KCP: variants seen among roughly 807,000 people sequenced by gnomAD.
The protein encoded by KCP is kielin cysteine rich BMP regulator.
KCP carries 194 observed loss-of-function variants against 212.7 expected under a neutral mutation model. The ratio of observed to expected loss-of-function variants is 0.91; its 90% CI spans 0.81 to 1.03. KCP has a LOEUF of 1.03. KCP is among the 50% of genes least tolerant of loss of function. KCP has a pLI of 0.00. For synonymous variants in KCP, 833 were observed against 865.3 expected, an observed-to-expected ratio of 0.96 and a Z score of 0.65; for missense variants, 2,080 against 2,162.5, an observed-to-expected ratio of 0.96 and a Z score of 0.76.
chr7:128,902,910 C>G, intron 7 of KCP, 51 bp from the exon 8 acceptor site: 1 of 1,403,188 alleles, frequency 7.1e-7, no homozygotes, highest in South Asian at 1.2e-5. Context: ...CTGGCCTGGA[C>G]CCCAGCCTCA....
Position 128,887,260 on chromosome 7 carries a change from G to A in KCP, c.2553C>T (p.Thr851=), listed in dbSNP as rs1244639342. 6.4e-7 allele frequency: 1 copy of A among 1,551,388 alleles called. No homozygotes were observed. Among genetic ancestry groups the A allele is most frequent in the African/African-American group, 1.4e-5 (1 of 73,078 alleles). Residue 851 remains threonine, a synonymous_variant, in exon 23 of 40, where the codon ACC becomes ACT. Transcript: ENST00000610776. ...YHGVTTASGE[T]LPDPLDPTCS... ...AGGTAGGGTCAAGTGGGTCAGGAAG[G>A]GTCTCTCCGGAGGCAGTAGTGACGC...
In KCP at chr7:128,890,969, C is replaced by G; in HGVS notation, c.2100G>C (p.Arg700=). ...LCLDGSVSCQ[R]LPCPPAPCAH... ...CGCAGGGCGCGGGCGGGCAGGGCAG[C>G]CGCTGGCAGGACACGGAGCCGTCGA... Residue 700 remains arginine, a synonymous_variant, in exon 20 of 40, where the codon CGG becomes CGC. Transcript: ENST00000610776. The G allele has an allele frequency of 7.8e-7, 1 of 1,278,100 alleles. No individual in the cohort carries two copies. Among genetic ancestry groups the G allele is most frequent in the East Asian group, 3.2e-5 (1 of 31,348 alleles). 79.2% of individuals were successfully genotyped at this position (1,278,100 alleles called of 1,614,324 possible).
intron 8 of KCP, among the ~76,000 whole-genome samples, chr7:128,900,770 G>A (rs906817564): frequency 6.6e-6 from 1 of 152,228 alleles, no homozygotes; most frequent in Non-Finnish European, 1.5e-5. Context: ...GACCCTAATA[G>A]TTAGGCAGGA....
intron 11 of KCP, 69 bp from the exon 12 acceptor site, chr7:128,893,545 G>C: frequency 8.1e-7 from 1 of 1,236,074 alleles, no homozygotes; most frequent in Non-Finnish European, 1.2e-6. Context: ...GTCACCCTGA[G>C]GTGTCCAACC....
chr7:128,883,117 A>AC (rs1793429949), intron 29 of KCP, among the ~76,000 whole-genome samples: 1 of 151,662 alleles, frequency 6.6e-6, no homozygotes, highest in Non-Finnish European at 1.5e-5. Context: ...TAGGATTATC[A>AC]TTAAAAAAAA....
chr7:128,885,298 C>A, intron 26 of KCP, 28 bp from the exon 27 acceptor site: 2 of 1,520,778 alleles, frequency 1.3e-6, no homozygotes, highest in South Asian at 1.3e-5. Context: ...CAGGGACGAG[C>A]TCGGAGGTTG....
chr7:128,883,785 T>A (rs1293400778), intron 29 of KCP, among the ~76,000 whole-genome samples: 1 of 152,204 alleles, frequency 6.6e-6, no homozygotes, highest in Non-Finnish European at 1.5e-5. Flanking sequence ...CTGGCCAAGA[T>A]GCTCCACAAA....
At chr7:128,906,777 T>C (rs893932223) in intron 4 of KCP, among the ~76,000 whole-genome samples, 11 of 152,016 alleles carry the variant, frequency 7.2e-5, no homozygotes, top group African/African-American at 2.2e-4. Context: ...GACAAGCAAC[T>C]ATTAAGTTGG....
chr7:128,893,365 T>A, intron 12 of KCP, 26 bp downstream of exon 12: 1 of 1,551,470 alleles, frequency 6.4e-7, no homozygotes. Flanking sequence ...GAGGCAGATC[T>A]GGGTGTGAGC....
chr7:128,890,240 A>C (rs1160364678), intron 21 of KCP, 103 bp downstream of exon 21: 1 of 1,542,892 alleles, frequency 6.5e-7, no homozygotes, highest in Non-Finnish European at 8.8e-7. Context: ...TTCTTACTGT[A>C]ATAAATATTT....
In KCP at chr7:128,881,718, G is replaced by A; in HGVS notation, c.3332C>T (p.Thr1111Ile). The change falls in exon 31 of 40, where the codon ACA becomes ATA. Residue 1111 changes from threonine (T) to isoleucine (I), a missense_variant. By Grantham distance (89) the Thr-to-Ile change is moderately conservative (BLOSUM62 -1). Transcript: ENST00000610776. ...PCYTCQCQDL[T>I]WLCIHQACPE... ...ACAAGCCTGGTGGATGCAGAGCCATGTCAGGTCCTGCCCATGTGAACACAA... is the reference window on the plus strand; with the variant it reads ...ACAAGCCTGGTGGATGCAGAGCCATATCAGGTCCTGCCCATGTGAACACAA... 1.3e-6 allele frequency: 2 copies of A among 1,534,504 alleles called. No homozygotes were observed. Among genetic ancestry groups the A allele is most frequent in the Non-Finnish European group, 8.8e-7 (1 of 1,142,608 alleles).
At chr7:128,908,253 AG>A (rs200276693) in intron 2 of KCP, among the ~76,000 whole-genome samples, 172 bp downstream of exon 2, 5 of 78,866 alleles carry the variant, frequency 6.3e-5, no homozygotes, top group African/African-American at 3.1e-4. Flanking sequence ...GAAAGAAAGA[AG>A]AAAGAAAGAA....
Position 128,893,917 on chromosome 7 carries a change from T to G in KCP, c.1006-18A>C. ...CTCCCATTCTGCCAACAGGGCCTGG[T>G]CAGCACGCCAGAGGCAGGCCCCGGA... is the stretch of plus-strand genomic sequence containing the variant. On this transcript the variant is annotated intron_variant, in intron 10 of 39. Coordinates refer to ENST00000610776, the MANE Select transcript of KCP (RefSeq NM_001366122.1). 2 of 1,550,668 alleles carry G rather than the reference T, an allele frequency of 1.3e-6. No homozygotes were observed. Among genetic ancestry groups the G allele is most frequent in the Non-Finnish European group, 1.7e-6 (2 of 1,146,728 alleles).
chr7:128,902,638 C>T, intron 8 of KCP, 139 bp downstream of exon 8: 4 of 773,588 alleles, frequency 5.2e-6, no homozygotes, highest in Admixed American at 2.2e-5. Context: ...CCTGCACAGC[C>T]CCCAGCAGAC....
chr7:128,897,775 CAT>C (rs1794615113), intron 8 of KCP, among the ~76,000 whole-genome samples: 1 of 152,252 alleles, frequency 6.6e-6, no homozygotes, highest in Middle Eastern at 3.4e-3. Flanking sequence ...GGCCTGGGGA[CAT>C]GTGGAATTAG....
At chr7:128,898,888 AG>A (rs1165614991) in intron 8 of KCP, among the ~76,000 whole-genome samples, 1 of 152,272 alleles carries the variant, frequency 6.6e-6, no homozygotes, top group Non-Finnish European at 1.5e-5. Flanking sequence ...TTTTTCTTAA[AG>A]CAAAACCTGC....
chr7:128,891,051 G>GCGTGGGCCGCGCCGGGC lies in KCP; in HGVS notation c.2001_2017dup (p.Ala673GlyfsTer87). On this transcript the variant is annotated frameshift_variant, in exon 20 of 40. Coordinates refer to ENST00000610776, the MANE Select transcript of KCP (RefSeq NM_001366122.1). LOFTEE classifies it high-confidence loss of function. ...CGGGGAGAAGTACTCCTGGTGGCGG[G>GCGTGGGCCGCGCCGGGC]CGTGGGCCGCGCCGGGCCGTGGGCA... The GCGTGGGCCGCGCCGGGC allele has an allele frequency of 1.4e-6, 2 of 1,393,720 alleles. No homozygotes were observed. Among genetic ancestry groups the GCGTGGGCCGCGCCGGGC allele is most frequent in the Non-Finnish European group, 9.2e-7 (1 of 1,081,132 alleles). 86.3% of individuals were successfully genotyped at this position (1,393,720 alleles called of 1,614,324 possible).
intron 8 of KCP, among the ~76,000 whole-genome samples, chr7:128,900,015 G>A (rs1333009212): frequency 1.3e-5 from 2 of 151,968 alleles, no homozygotes; most frequent in African/African-American, 4.8e-5. Context: ...AGTTATCTTG[G>A]AACCTCAAAA....
chr7:128,889,479 C>T (rs1301499866), intron 21 of KCP, among the ~76,000 whole-genome samples: 2 of 152,206 alleles, frequency 1.3e-5, no homozygotes, highest in Non-Finnish European at 2.9e-5. Context: ...AGGGTGGTGA[C>T]AGCCCGCTCT....
Sources: gnomAD v4.1 joint callset for allele counts (sites outside exome capture counted in the v4.1 genomes callset) on GRCh38, gnomAD v4.1.1 for gene constraint, MANE v1.5 for transcripts, NCBI Gene and HGNC (gene_info 2026-07-23, HGNC 2026-07-21) for gene names.